Variants in ST7L observed in about 807,000 individuals in gnomAD.
ST7L encodes the protein suppression of tumorigenicity 7 like.
In ST7L, 57 loss-of-function variants were observed where a neutral mutation model predicts 72.5. That is an observed-to-expected ratio of 0.79 (90% CI 0.64 to 0.98). ST7L has a LOEUF of 0.98. Ranked by LOEUF, ST7L falls within the 50% of genes least tolerant of loss-of-function variation. The pLI is 0.00. For synonymous variants in ST7L, 221 were observed against 240.9 expected, an observed-to-expected ratio of 0.92 and a Z score of 0.77; for missense variants, 576 against 672.2, an observed-to-expected ratio of 0.86 and a Z score of 1.58.
intron 9 of ST7L, among the ~76,000 whole-genome samples, chr1:112,578,799 C>CAAAAT (rs1553250893): frequency 2.0e-5 from 3 of 151,398 alleles, no homozygotes; most frequent in Admixed American, 6.6e-5. Flanking sequence ...CAAAACAAAA[C>CAAAAT]AAAAAAAAGA....
intron 2 of ST7L, among the ~76,000 whole-genome samples, chr1:112,616,057 C>T (rs1669827423): frequency 6.6e-6 from 1 of 152,092 alleles, no homozygotes; most frequent in South Asian, 2.1e-4. Flanking sequence ...CTCTTTAAAT[C>T]ATTTGAAAAA....
intron 3 of ST7L, among the ~76,000 whole-genome samples, chr1:112,604,775 TA>T (rs556388277): frequency 0.047 from 2,783 of 58,746 alleles, 115 homozygotes; most frequent in African/African-American, 0.1. Flanking sequence ...TTGTCTCTCT[TA>T]AAAAAAAAAA....
At position 112,524,523 on chromosome 1, in the gene ST7L, GC is replaced by G. The variant is rs36061309; in HGVS notation, c.*1489del. ...TCTCCGTAAGCAATCCTGCAGAGCCGCCCCCTGGGTGCAGAAATGAAATACG... is the reference window on the plus strand; with the variant it reads ...TCTCCGTAAGCAATCCTGCAGAGCCGCCCCTGGGTGCAGAAATGAAATACG... On this transcript the variant is annotated 3_prime_UTR_variant, in exon 15 of 15. Coordinates refer to ENST00000358039, the MANE Select transcript of ST7L (RefSeq NM_017744.5). 1 of 152,732 alleles carries G rather than the reference GC, an allele frequency of 6.5e-6. No individual in the cohort carries two copies. The highest frequency in any genetic ancestry group is 1.5e-5 in the Non-Finnish European group (1 of 68,082). 9.5% of individuals were successfully genotyped at this position (152,732 alleles called of 1,614,324 possible). A position where few individuals can be genotyped will look rare whatever the true frequency, so the allele number is the denominator to read the frequency against.
At chr1:112,559,358 C>T (rs561248354) in intron 11 of ST7L, among the ~76,000 whole-genome samples, 55 of 152,138 alleles carry the variant, frequency 3.6e-4, no homozygotes, top group African/African-American at 1.2e-3. Flanking sequence ...CTCAGCCTCC[C>T]GAGTAGCTGG....
chr1:112,569,999 T>C lies in ST7L; in HGVS notation c.1245+6987A>G, dbSNP rs930460898. On this transcript the variant is annotated intron_variant, in intron 11 of 14. Coordinates refer to ENST00000358039, the MANE Select transcript of ST7L (RefSeq NM_017744.5). ...ACAAAAAAACTATGAAACCATTTGA[T>C]GGTTGGATAAGAAAAGTATGATACC... Among the ~76,000 whole-genome samples the C allele has an allele frequency of 3.4e-5, 5 of 148,152 alleles. No homozygotes were observed. In the East Asian group the frequency reaches 7.9e-4, roughly 23 times the overall value.
intron 12 of ST7L, among the ~76,000 whole-genome samples, chr1:112,553,480 G>A (rs996260663): frequency 7.9e-5 from 12 of 152,220 alleles, no homozygotes; most frequent in African/African-American, 2.9e-4. Context: ...AATTTCACTT[G>A]TTAATAGTGA....
At chr1:112,617,715 TCTCACACACACACACACA>T (rs1344828882) in intron 1 of ST7L, among the ~76,000 whole-genome samples, 2 of 123,150 alleles carry the variant, frequency 1.6e-5, no homozygotes, top group African/African-American at 6.5e-5. Context: ...TCTTTCTCTC[TCTCACACACACACACACA>T]CACACACACA....
intron 11 of ST7L, among the ~76,000 whole-genome samples, chr1:112,569,980 A>AC (rs1661797248): frequency 6.6e-6 from 1 of 151,642 alleles, no homozygotes; most frequent in Non-Finnish European, 1.5e-5. Flanking sequence ...AAAAACAAAA[A>AC]AACTATGAAA....
chr1:112,542,081 T>C lies in ST7L; in HGVS notation c.1499A>G (p.His500Arg), dbSNP rs373768918. 8 of 1,609,120 alleles carry C rather than the reference T, an allele frequency of 5.0e-6. No individual in the cohort carries two copies. The Admixed American group carries it at 5.1e-5, about 10-fold the overall frequency. The change falls in exon 14 of 15, where the codon CAT (histidine) becomes CGT (arginine). Residue 500 changes from histidine (H) to arginine (R), a missense_variant. Around this residue, in one of 3 missense-constraint regions of ST7L, gnomAD observed 511 missense variants for 600.7 expected, o/e 0.85. Transcript: ENST00000358039. ...ADRELLPTFH[H>R]VSVYPKKELP... ...CTCCTTTTTTGGGTAAACAGAAACA[T>C]GATGAAAGGCTGCAATGGAGAATAG... is the stretch of plus-strand genomic sequence containing the variant.
At chr1:112,600,261 C>T (rs1667184987) in intron 4 of ST7L, among the ~76,000 whole-genome samples, 1 of 152,094 alleles carries the variant, frequency 6.6e-6, no homozygotes. Flanking sequence ...TGGTCTTGAA[C>T]TCCTGACTTC....
At chr1:112,579,617 A>C (rs1376679676) in intron 9 of ST7L, among the ~76,000 whole-genome samples, 1 of 152,074 alleles carries the variant, frequency 6.6e-6, no homozygotes, top group East Asian at 1.9e-4. Flanking sequence ...GAAAATAAAA[A>C]TTTCATCTGG....
At position 112,578,350 on chromosome 1, in the gene ST7L, T is replaced by G. The variant is rs1012958515; in HGVS notation, c.1137A>C (p.Ser379=). ...GTAGTTTTTATAACACGTACTTTTC[T>G]GAAACAGTCCTTGTCTTCAACAGTG... The part of the protein sequence containing the change: ...TAALLKTRTV[S]EKFSPETASR... The change falls in exon 10 of 15, where the codon TCA becomes TCC. Residue 379 remains serine (S), a synonymous_variant. Transcript: ENST00000358039. 3.1e-6 allele frequency: 5 copies of G among 1,614,058 alleles called. No homozygotes were observed. Among genetic ancestry groups the G allele is most frequent in the Non-Finnish European group, 4.2e-6 (5 of 1,179,896 alleles).
intron 3 of ST7L, among the ~76,000 whole-genome samples, chr1:112,601,804 C>A (rs1667432228): frequency 6.6e-6 from 1 of 151,948 alleles, no homozygotes; most frequent in Non-Finnish European, 1.5e-5. Context: ...AGAGGCCGGG[C>A]ATGGTAGCTC....
chr1:112,532,582 T>C (rs1014856767), intron 14 of ST7L, among the ~76,000 whole-genome samples: 1 of 152,242 alleles, frequency 6.6e-6, no homozygotes. Flanking sequence ...AACATAGCCC[T>C]TTTCTACACT....
chr1:112,574,021 TCTC>T, intron 11 of ST7L, among the ~76,000 whole-genome samples: 1 of 148,050 alleles, frequency 6.8e-6, no homozygotes, highest in South Asian at 2.2e-4. Flanking sequence ...CTCAAGTGAT[TCTC>T]CTGCCTCAGC....
chr1:112,530,977 T>G (rs1199734814), intron 14 of ST7L, among the ~76,000 whole-genome samples: 1 of 152,258 alleles, frequency 6.6e-6, no homozygotes. Context: ...AGTTTTTTGA[T>G]TAACATGATG....
intron 14 of ST7L, chr1:112,541,709 C>T (rs1475000929): frequency 9.6e-7 from 1 of 1,043,096 alleles, no homozygotes; most frequent in East Asian, 3.5e-5. Flanking sequence ...TAAGAGCAAA[C>T]TTTATAATGT....
In ST7L at chr1:112,575,107, C is replaced by T. The variant is rs143872289; in HGVS notation, c.1245+1879G>A. Among the ~76,000 whole-genome samples, 1,220 of 152,160 alleles carry T rather than the reference C, an allele frequency of 8.0e-3. 7 individuals carry two copies. Among genetic ancestry groups the T allele is most frequent in the Middle Eastern group, 0.017 (5 of 294 alleles). On this transcript the variant is annotated intron_variant, in intron 11 of 14. Coordinates refer to ENST00000358039, the MANE Select transcript of ST7L (RefSeq NM_017744.5). Reference sequence around the variant, plus strand: ...CAAAATAATTAGCTGGGCGTGGTGGCGCGCACCTGTAGTCCCAGCTACTTG... The same window carrying T: ...CAAAATAATTAGCTGGGCGTGGTGGTGCGCACCTGTAGTCCCAGCTACTTG...
At chr1:112,573,348 C>CAAAAAAA (rs35107656) in intron 11 of ST7L, among the ~76,000 whole-genome samples, 1 of 69,662 alleles carries the variant, frequency 1.4e-5, no homozygotes, top group Non-Finnish European at 2.7e-5. Flanking sequence ...AACTCCCTCT[C>CAAAAAAA]AAAAAAAAAA....
Sources: gnomAD v4.1 joint callset for allele counts (sites outside exome capture counted in the v4.1 genomes callset) on GRCh38, gnomAD v4.1.1 for gene constraint, gnomAD v4.1.1 regional missense constraint, MANE v1.5 for transcripts, NCBI Gene and HGNC (gene_info 2026-07-23, HGNC 2026-07-21) for gene names.